The following LINGO2 variants were observed in gnomAD, a reference collection of about 807,000 sequenced individuals.
The protein encoded by LINGO2 is leucine-rich repeat and immunoglobulin-like domain-containing nogo receptor-interacting protein 2.
In LINGO2, 14 loss-of-function variants were observed where a neutral mutation model predicts 30.6. That is an observed-to-expected ratio of 0.46 (90% CI 0.30 to 0.72). LINGO2 has a LOEUF of 0.72. LINGO2 is among the 30% of genes least tolerant of loss of function. The pLI, the probability that LINGO2 is intolerant of heterozygous loss-of-function variation, is 0.07. For missense variants in LINGO2, 729 were observed against 751.7 expected, an observed-to-expected ratio of 0.97 and a Z score of 0.35; for synonymous variants, 317 against 288.5, an observed-to-expected ratio of 1.10 and a Z score of -1.00.
chr9:28,038,625 G>A (rs1366122705), intron 4 of LINGO2, among the ~76,000 whole-genome samples: 1 of 151,296 alleles, frequency 6.6e-6, no homozygotes, highest in African/African-American at 2.4e-5. Flanking sequence ...CCCGGGAGGC[G>A]GAGCTTGCAG....
chr9:28,858,638 A>T, the LINGO2 span, among the ~76,000 whole-genome samples: 9 of 152,012 alleles, frequency 5.9e-5, no homozygotes, highest in African/African-American at 2.2e-4. Flanking sequence ...TGGTTACTTC[A>T]GAGTCACACA....
At chr9:28,027,811 T>C (rs1823457778) in intron 4 of LINGO2, among the ~76,000 whole-genome samples, 1 of 152,178 alleles carries the variant, frequency 6.6e-6, no homozygotes, top group South Asian at 2.1e-4. Context: ...CATATATTCA[T>C]CAGTAGACAG....
chr9:28,090,939 A>T (rs1266420279), intron 4 of LINGO2, among the ~76,000 whole-genome samples: 1 of 152,196 alleles, frequency 6.6e-6, no homozygotes, highest in Non-Finnish European at 1.5e-5. Flanking sequence ...CAGAGAGCCA[A>T]ATCATGAGTG....
At chr9:29,183,395 C>G in the LINGO2 span, among the ~76,000 whole-genome samples, 1 of 152,128 alleles carries the variant, frequency 6.6e-6, no homozygotes, top group Non-Finnish European at 1.5e-5. Flanking sequence ...GAAGACCAGC[C>G]GGATGGTGCC....
intron 1 of LINGO2, among the ~76,000 whole-genome samples, chr9:28,668,029 T>G (rs138015959): frequency 6.6e-6 from 1 of 152,296 alleles, no homozygotes; most frequent in East Asian, 1.9e-4. Context: ...CTCTGCTATA[T>G]TCACAATTTT....
the LINGO2 span, among the ~76,000 whole-genome samples, chr9:28,948,091 C>T: frequency 6.6e-6 from 1 of 151,968 alleles, no homozygotes; most frequent in South Asian, 2.1e-4. Flanking sequence ...GACACTATTG[C>T]TTGCATTTTC....
chr9:28,992,525 G>C, the LINGO2 span, among the ~76,000 whole-genome samples: 710 of 151,678 alleles, frequency 4.7e-3, 4 homozygotes, highest in African/African-American at 0.017. Context: ...TAATAGATAT[G>C]TACAGAACTC....
the LINGO2 span, among the ~76,000 whole-genome samples, chr9:28,894,475 A>G: frequency 6.6e-6 from 1 of 151,862 alleles, no homozygotes; most frequent in East Asian, 1.9e-4. Flanking sequence ...TTCTCTTATG[A>G]CTCAGTTTCA....
chr9:28,674,495 G>C (rs1201901981), upstream of LINGO2, among the ~76,000 whole-genome samples: 2 of 152,030 alleles, frequency 1.3e-5, 1 homozygote, highest in Non-Finnish European at 2.9e-5. Context: ...AAGTGTTTCA[G>C]ATAAAAGACT....
chr9:28,895,145 G>C, the LINGO2 span, among the ~76,000 whole-genome samples: 1 of 151,948 alleles, frequency 6.6e-6, no homozygotes, highest in Non-Finnish European at 1.5e-5. Flanking sequence ...ATACTAGTTG[G>C]GAGCTAATTA....
At chr9:28,223,514 G>T (rs1821039938) in intron 4 of LINGO2, among the ~76,000 whole-genome samples, 1 of 152,128 alleles carries the variant, frequency 6.6e-6, no homozygotes, top group Admixed American at 6.5e-5. Flanking sequence ...AAATTTGCAG[G>T]GGGGCATTTG....
chr9:28,426,163 T>G (rs1200695494), intron 2 of LINGO2, among the ~76,000 whole-genome samples: 1 of 151,918 alleles, frequency 6.6e-6, no homozygotes, highest in Non-Finnish European at 1.5e-5. Flanking sequence ...GCACACACAC[T>G]TGCTACAATA....
chr9:29,156,073 T>G, the LINGO2 span, among the ~76,000 whole-genome samples: 1 of 152,228 alleles, frequency 6.6e-6, no homozygotes, highest in African/African-American at 2.4e-5. Flanking sequence ...GAATTAAAGC[T>G]TTGCTCTTGT....
intron 5 of LINGO2, among the ~76,000 whole-genome samples, chr9:27,988,550 T>C (rs1017549114): frequency 5.3e-5 from 8 of 152,000 alleles, no homozygotes; most frequent in African/African-American, 1.7e-4. Context: ...TTCTAACTGG[T>C]GTGAGATGGT....
intron 3 of LINGO2, among the ~76,000 whole-genome samples, chr9:28,298,538 C>G (rs1348685244): frequency 7.3e-6 from 1 of 136,114 alleles, no homozygotes; most frequent in East Asian, 2.3e-4. Context: ...ACAAAATTAG[C>G]TGGGAGTGGT....
intron 4 of LINGO2, among the ~76,000 whole-genome samples, chr9:28,159,056 A>C (rs1828215099): frequency 6.6e-6 from 1 of 152,222 alleles, no homozygotes; most frequent in South Asian, 2.1e-4. Flanking sequence ...AATGACTGCT[A>C]GATTCTTAGA....
the LINGO2 span, among the ~76,000 whole-genome samples, chr9:28,865,845 G>A: frequency 1.3e-5 from 2 of 152,056 alleles, no homozygotes; most frequent in Non-Finnish European, 2.9e-5. Context: ...GATCTTAAGT[G>A]GCTCTTTGAA....
intron 3 of LINGO2, among the ~76,000 whole-genome samples, chr9:28,334,518 A>T (rs1216996069): frequency 6.6e-6 from 1 of 152,102 alleles, no homozygotes; most frequent in Non-Finnish European, 1.5e-5. Context: ...TGGGGTTTTT[A>T]TGAGGAAAAA....
the LINGO2 span, among the ~76,000 whole-genome samples, chr9:28,696,181 G>A: frequency 6.6e-6 from 1 of 151,732 alleles, no homozygotes; most frequent in South Asian, 2.1e-4. Context: ...TTGTCAGTTG[G>A]CTATTAAAAC....
Sources: allele counts gnomAD v4.1 joint callset (sites outside exome capture counted in the v4.1 genomes callset), GRCh38; gene constraint gnomAD v4.1.1; transcripts MANE v1.5; gene names NCBI Gene and HGNC (gene_info 2026-07-23, HGNC 2026-07-21).